The following ADAM32 variants were observed in gnomAD, a reference collection of about 807,000 sequenced individuals.
The protein encoded by ADAM32 is disintegrin and metalloproteinase domain-containing protein 32.
Under a neutral mutation model 114.9 loss-of-function variants are expected in ADAM32, and 89 were observed. The observed-to-expected ratio is 0.77, with a 90% CI of 0.65 to 0.92. The LOEUF (loss-of-function observed/expected upper bound fraction) is 0.92, where lower values mean the gene tolerates loss of function less well. Among genes scored for constraint, ADAM32 ranks in the 40% least tolerant of loss-of-function variants. ADAM32 has a pLI of 0.00. For synonymous variants in ADAM32, 285 were observed against 307.5 expected (o/e 0.93, Z 0.77); for missense variants, 870 against 932.8 (o/e 0.93, Z 0.88).
In ADAM32 at chr8:39,275,893, T is replaced by A. The variant is rs189733598; in HGVS notation, c.2279+27T>A. The A allele has an allele frequency of 5.5e-4, 845 of 1,529,056 alleles. 5 individuals are homozygous for A. In the African/African-American group the frequency reaches 8.5e-3, roughly 15 times the overall value. The allele number at this position is 1,529,056 out of a possible 1,614,324, so 94.7% of individuals were successfully genotyped here. The stretch of plus-strand genomic sequence containing the variant: ...TAAGTGAATTAGGGGGCATTTTTTT[T>A]ATATAATAAGTATATGTTAAAAATT... On this transcript the variant is annotated intron_variant, in intron 22 of 24. Coordinates refer to ENST00000379907, the MANE Select transcript of ADAM32 (RefSeq NM_145004.7).
At position 39,255,980 on chromosome 8, in the gene ADAM32, G is replaced by A. The variant is rs1811625179; in HGVS notation, c.2006-1207G>A. ...TATCCCAGTGCCATTTGTTGAATAG[G>A]GTGTCCTTTCCCCATGTTATGTTTT... On this transcript the variant is annotated intron_variant, in intron 18 of 24. Coordinates refer to ENST00000379907, the MANE Select transcript of ADAM32 (RefSeq NM_145004.7). Among the ~76,000 whole-genome samples the A allele has an allele frequency of 2.0e-5, 3 of 151,814 alleles. No individual in the cohort carries two copies. In the South Asian group the frequency reaches 6.2e-4, roughly 32 times the overall value.
intron 10 of ADAM32, among the ~76,000 whole-genome samples, chr8:39,174,533 A>C (rs1358181414): frequency 6.6e-6 from 1 of 151,284 alleles, no homozygotes; most frequent in Non-Finnish European, 1.5e-5. Context: ...TTATACTTTA[A>C]GTTTTAGGGT....
At chr8:39,201,865 T>G (rs1807445377) in intron 11 of ADAM32, among the ~76,000 whole-genome samples, 1 of 152,238 alleles carries the variant, frequency 6.6e-6, no homozygotes, top group South Asian at 2.1e-4. Flanking sequence ...CAAAGGCCTT[T>G]TCTGCATCTA....
chr8:39,111,200 C>A (rs751789415), intron 1 of ADAM32, among the ~76,000 whole-genome samples: 1 of 152,078 alleles, frequency 6.6e-6, no homozygotes, highest in Non-Finnish European at 1.5e-5. Context: ...CTGCTAGGAA[C>A]CTTCATGTAC....
At chr8:39,256,420 T>C (rs912265795) in intron 18 of ADAM32, among the ~76,000 whole-genome samples, 1 of 152,030 alleles carries the variant, frequency 6.6e-6, no homozygotes, top group African/African-American at 2.4e-5. Context: ...GAGTTTATCA[T>C]TTAAATCAGA....
At chr8:39,181,346 A>G (rs938951481) in intron 10 of ADAM32, among the ~76,000 whole-genome samples, 2 of 152,112 alleles carry the variant, frequency 1.3e-5, no homozygotes, top group Non-Finnish European at 2.9e-5. Flanking sequence ...CTCACTGCGA[A>G]CGTCTGCAGC....
chr8:39,244,667 A>G (rs1304884094), intron 16 of ADAM32, among the ~76,000 whole-genome samples: 1 of 152,144 alleles, frequency 6.6e-6, no homozygotes, highest in Admixed American at 6.6e-5. Flanking sequence ...GTCAAAGACC[A>G]GGAAGGGGAA....
intron 1 of ADAM32, among the ~76,000 whole-genome samples, chr8:39,116,029 A>G (rs1452053575): frequency 6.6e-6 from 1 of 152,202 alleles, no homozygotes; most frequent in East Asian, 1.9e-4. Context: ...TTAACTGTCA[A>G]AGATCAGATG....
intron 19 of ADAM32, among the ~76,000 whole-genome samples, chr8:39,259,526 G>A (rs1452366533): frequency 6.6e-6 from 1 of 151,920 alleles, no homozygotes; most frequent in African/African-American, 2.4e-5. Context: ...TGTAGTTAAT[G>A]TTATATAATG....
chr8:39,223,872 A>G (rs927733233), intron 14 of ADAM32: 3 of 152,108 alleles, frequency 2.0e-5, no homozygotes, highest in Non-Finnish European at 1.5e-5. Flanking sequence ...TTTAGATTGT[A>G]TATATAAGTG....
At chr8:39,240,189 C>T (rs1439988501) in intron 16 of ADAM32, among the ~76,000 whole-genome samples, 8 of 152,160 alleles carry the variant, frequency 5.3e-5, no homozygotes, top group Admixed American at 3.9e-4. Context: ...CAAAATAAGC[C>T]TCAATAAACT....
chr8:39,129,971 T>C (rs914309158), intron 2 of ADAM32: 6 of 339,648 alleles, frequency 1.8e-5, no homozygotes, highest in Non-Finnish European at 2.8e-5. Flanking sequence ...TTTTTTTTTT[T>C]CAAGACAATG....
rs190853714 is a variant in ADAM32 at position 39,143,280 on chromosome 8, A to T, written c.201-3850A>T. 1.4e-3 allele frequency among the ~76,000 whole-genome samples: 216 copies of T among 152,176 alleles called. 4 individuals carry two copies. Among genetic ancestry groups the T allele is most frequent in the Admixed American group, 0.012 (189 of 15,280 alleles). ...GAGGAGCTGTTATTCTTTGGAGGAG[A>T]AGAGGCACTCTGTTTTTTTGGAATT... On this transcript the variant is annotated intron_variant, in intron 3 of 24. Coordinates refer to ENST00000379907, the MANE Select transcript of ADAM32 (RefSeq NM_145004.7).
At chr8:39,155,432 A>C (rs565606231) in intron 6 of ADAM32, among the ~76,000 whole-genome samples, 1 of 152,376 alleles carries the variant, frequency 6.6e-6, no homozygotes, top group African/African-American at 2.4e-5. Flanking sequence ...TTATGTGACA[A>C]TAGCATGACA....
intron 6 of ADAM32, 52 bp from the exon 7 acceptor site, chr8:39,160,844 TA>T (rs565942062): frequency 3.2e-5 from 47 of 1,449,554 alleles, no homozygotes; most frequent in East Asian, 7.4e-5. Context: ...AGAGTTCAAG[TA>T]AAAAAATTAT....
intron 14 of ADAM32, among the ~76,000 whole-genome samples, chr8:39,230,805 A>G (rs1304006834): frequency 6.6e-6 from 1 of 152,202 alleles, no homozygotes; most frequent in Non-Finnish European, 1.5e-5. Context: ...TGATCTTGAA[A>G]GAGAATGGAG....
chr8:39,201,644 G>T (rs577368415), intron 11 of ADAM32, among the ~76,000 whole-genome samples: 29 of 152,076 alleles, frequency 1.9e-4, no homozygotes, highest in Non-Finnish European at 2.8e-4. Context: ...GATTGCCCTG[G>T]CCAGAACTTC....
At chr8:39,137,644 G>T (rs960190083) in intron 3 of ADAM32, among the ~76,000 whole-genome samples, 1 of 151,772 alleles carries the variant, frequency 6.6e-6, no homozygotes, top group Non-Finnish European at 1.5e-5. Flanking sequence ...GGTGGCGTGC[G>T]CCTGTAATCC....
intron 11 of ADAM32, among the ~76,000 whole-genome samples, chr8:39,194,961 T>C (rs1023536839): frequency 6.6e-6 from 1 of 152,162 alleles, no homozygotes; most frequent in Non-Finnish European, 1.5e-5. Flanking sequence ...TCTGTGGTGG[T>C]TGGGGGCTCT....
Sources: gnomAD v4.1 joint callset for allele counts (sites outside exome capture counted in the v4.1 genomes callset) on GRCh38, gnomAD v4.1.1 for gene constraint, MANE v1.5 for transcripts, NCBI Gene and HGNC (gene_info 2026-07-23, HGNC 2026-07-21) for gene names.